SLC5A7: variants seen among roughly 807,000 people sequenced by gnomAD.
The protein encoded by SLC5A7 is solute carrier family 5 member 7, also known as high affinity choline transporter 1.
A neutral mutation model predicts 55.4 loss-of-function variants in SLC5A7; 19 were observed. The observed-to-expected ratio is 0.34, with a 90% CI of 0.24 to 0.50. SLC5A7 has a LOEUF of 0.50. Among genes scored for constraint, SLC5A7 ranks in the 20% least tolerant of loss-of-function variants. The probability of loss-of-function intolerance (pLI) is 0.98; values close to 1 mark genes in which losing one functional copy is unlikely to be tolerated. For synonymous variants in SLC5A7, 265 were observed against 263.7 expected, an observed-to-expected ratio of 1.00 and a Z score of -0.05; for missense variants, 506 against 705.3, an observed-to-expected ratio of 0.72 and a Z score of 3.20.
At chr2:108,006,011 T>C in intron 6 of SLC5A7, 38 bp from the exon 7 acceptor site, 1 of 1,610,264 alleles carries the variant, frequency 6.2e-7, no homozygotes, top group Non-Finnish European at 8.5e-7. Flanking sequence ...AAAAAATGAA[T>C]AGATGTTTGC....
rs35097745 is a variant in SLC5A7 at position 108,006,356 on chromosome 2, TTA to T, written c.895+159_895+160del. On this transcript the variant is annotated intron_variant, in intron 7 of 8. Coordinates refer to ENST00000264047, the MANE Select transcript of SLC5A7 (RefSeq NM_021815.5). The stretch of plus-strand genomic sequence containing the variant: ...TTGTTATAGCATTCAGTAAATCGTA[TTA>T]TATAGTTCAGCGGCCTCCATTTTTT... Among the ~76,000 whole-genome samples the T allele has an allele frequency of 0.9, 133,443 of 148,828 alleles. 60,058 individuals carry two copies. The highest frequency in any genetic ancestry group is 0.99 in the East Asian group (5,022 of 5,054).
intron 4 of SLC5A7, among the ~76,000 whole-genome samples, chr2:107,993,967 G>A (rs2104344910): frequency 6.6e-6 from 1 of 152,308 alleles, no homozygotes; most frequent in South Asian, 2.1e-4. Flanking sequence ...AATATAACAA[G>A]AATTTCCCCT....
In SLC5A7 at chr2:108,011,127, T is replaced by C. The variant is rs1678312501; in HGVS notation, c.*266T>C. Reference sequence around the variant, plus strand: ...TATAAAAAATAAGTAAAGTTCCACTTAGAGAACAAAGGGCCAAATAGAGTT... The same window carrying C: ...TATAAAAAATAAGTAAAGTTCCACTCAGAGAACAAAGGGCCAAATAGAGTT... On this transcript the variant is annotated 3_prime_UTR_variant, in exon 9 of 9. Transcript: ENST00000264047. The C allele has an allele frequency of 6.6e-6, 2 of 304,106 alleles. No homozygotes were observed. The highest frequency in any genetic ancestry group is 2.2e-5 in the African/African-American group (1 of 46,470). 18.8% of individuals were successfully genotyped at this position (304,106 alleles called of 1,614,324 possible).
intron 2 of SLC5A7, among the ~76,000 whole-genome samples, chr2:107,991,443 G>A (rs778319498): frequency 3.3e-5 from 5 of 152,042 alleles, no homozygotes; most frequent in South Asian, 2.1e-4. Context: ...GTGTCATCTC[G>A]ATCCTCTCTT....
chr2:108,012,626 A>C lies in SLC5A7; in HGVS notation c.*1765A>C, dbSNP rs1435609634. Reference sequence around the variant, plus strand: ...GATGGTGAATATTACATTGCATTCAAAATCTTCACTGAATATCATATGTAT... The same window carrying C: ...GATGGTGAATATTACATTGCATTCACAATCTTCACTGAATATCATATGTAT... On this transcript the variant is annotated 3_prime_UTR_variant, in exon 9 of 9. Transcript: ENST00000264047. The C allele has an allele frequency of 6.6e-6, 1 of 152,176 alleles. No homozygotes were observed. Among genetic ancestry groups the C allele is most frequent in the Non-Finnish European group, 1.5e-5 (1 of 68,028 alleles). The allele number at this position is 152,176 out of a possible 1,614,324, so 9.4% of individuals were successfully genotyped here.
chr2:108,010,517 C>A lies in SLC5A7; in HGVS notation c.1399C>A (p.Pro467Thr). ...CTTGATCTTCTACCCTGGCTATTAC[C>A]CTGATGATAATGGTATATATAATCA... ...QPLIFYPGYY[P>T]DDNGIYNQKF... is the part of the protein sequence containing the mutation. The change falls in exon 9 of 9, where the codon CCT (proline) becomes ACT (threonine). Residue 467 changes from proline to threonine, a missense_variant. Physicochemically the swap from Pro to Thr is conservative, Grantham distance 38. Around this residue, in one of 4 missense-constraint regions of SLC5A7, gnomAD observed 137 missense variants for 143.6 expected, o/e 0.95. Coordinates refer to ENST00000264047, the MANE Select transcript of SLC5A7 (RefSeq NM_021815.5). The A allele has an allele frequency of 2.5e-6, 4 of 1,613,864 alleles. No homozygotes were observed. The highest frequency in any genetic ancestry group is 3.4e-6 in the Non-Finnish European group (4 of 1,179,900).
In SLC5A7 at chr2:107,992,176, T is replaced by C. The variant is rs755222038; in HGVS notation, c.249T>C (p.Ala83=). 6.2e-7 allele frequency: 1 copy of C among 1,613,876 alleles called. No individual in the cohort carries two copies. The highest frequency in any genetic ancestry group is 8.5e-7 in the Non-Finnish European group (1 of 1,179,776). Residue 83 remains alanine, a synonymous_variant, in exon 3 of 9, where the codon GCT becomes GCC. Transcript: ENST00000264047. ...TTTATGTACCAGGTTATGGCCTAGCTTGGGCTCAGGCACCAATTGGATATT... is the reference window on the plus strand; with the variant it reads ...TTTATGTACCAGGTTATGGCCTAGCCTGGGCTCAGGCACCAATTGGATATT... ...EAVYVPGYGL[A]WAQAPIGYSL...
chr2:107,995,612 A>C (rs1677644014), intron 4 of SLC5A7, among the ~76,000 whole-genome samples: 1 of 152,148 alleles, frequency 6.6e-6, no homozygotes, highest in South Asian at 2.1e-4. Context: ...TGTAATCTTT[A>C]AATTTACACA....
chr2:108,006,118 C>T lies in SLC5A7; in HGVS notation c.811C>T (p.Gln271Ter). 1.2e-6 allele frequency: 2 copies of T among 1,614,138 alleles called. No homozygotes were observed. The highest frequency in any genetic ancestry group is 1.7e-6 in the Non-Finnish European group (2 of 1,180,004). ...VLSSSSATYA[Q>*]VLSFLAAFGC... The stretch of plus-strand genomic sequence containing the variant: ...CTCTTCTTCCTCAGCCACCTATGCT[C>T]AAGTGCTGTCCTTCCTGGCAGCTTT... Residue 271 changes from glutamine (Q) to a stop codon, truncating the protein, a stop_gained, in exon 7 of 9, where the codon CAA becomes TAA. Coordinates refer to ENST00000264047, the MANE Select transcript of SLC5A7 (RefSeq NM_021815.5). LOFTEE classifies it high-confidence loss of function.
intron 1 of SLC5A7, among the ~76,000 whole-genome samples, chr2:107,986,980 G>A (rs368183223): frequency 6.6e-6 from 1 of 152,118 alleles, no homozygotes; most frequent in Non-Finnish European, 1.5e-5. Flanking sequence ...AGGAAAGGCC[G>A]CAGGGGGCCG....
At position 108,012,652 on chromosome 2, in the gene SLC5A7, C is replaced by A; in HGVS notation, c.*1791C>A. 6.6e-6 allele frequency: 1 copy of A among 151,918 alleles called. No homozygotes were observed. Among genetic ancestry groups the A allele is most frequent in the Admixed American group, 6.6e-5 (1 of 15,232 alleles). The allele number at this position is 151,918 out of a possible 1,614,324, so 9.4% of individuals were successfully genotyped here. A position where few individuals can be genotyped will look rare whatever the true frequency, so the allele number is the denominator to read the frequency against. On this transcript the variant is annotated 3_prime_UTR_variant, in exon 9 of 9. Transcript: ENST00000264047. ...AATCTTCACTGAATATCATATGTAT[C>A]TAAATGAAAAGAGAATTACTTATAT...
intron 6 of SLC5A7, among the ~76,000 whole-genome samples, chr2:108,003,341 A>G (rs1446451431): frequency 6.6e-6 from 1 of 152,234 alleles, no homozygotes; most frequent in African/African-American, 2.4e-5. Flanking sequence ...CCTTTCCCCT[A>G]CAGCACACTT....
intron 4 of SLC5A7, among the ~76,000 whole-genome samples, chr2:107,993,776 A>G (rs1292286398): frequency 6.6e-6 from 1 of 152,256 alleles, no homozygotes; most frequent in Non-Finnish European, 1.5e-5. Flanking sequence ...TATATAAAAC[A>G]GAGTCAGTTC....
Position 108,010,403 on chromosome 2 carries a change from G to A in SLC5A7, c.1285G>A (p.Gly429Arg), listed in dbSNP as rs764287242. 19 of 1,613,680 alleles carry A rather than the reference G, an allele frequency of 1.2e-5. No individual in the cohort carries two copies. The highest frequency in any genetic ancestry group is 5.0e-5 in the Admixed American group (3 of 59,934). The change falls in exon 9 of 9, where the codon GGA (glycine) becomes AGA (arginine). Residue 429 changes from glycine to arginine, a missense_variant. Gly to Arg is a moderately radical substitution (Grantham distance 125, BLOSUM62 -2). This residue lies in a region of SLC5A7 where 309 missense variants were observed against 478.6 expected (regional missense o/e 0.65). Coordinates refer to ENST00000264047, the MANE Select transcript of SLC5A7 (RefSeq NM_021815.5). ...GCTGCTTTGTGTACTCTTTGTTAAGGGAACCAACACCTATGGGGCCGTGGC... is the reference window on the plus strand; with the variant it reads ...GCTGCTTTGTGTACTCTTTGTTAAGAGAACCAACACCTATGGGGCCGTGGC... ...PQLLCVLFVK[G>R]TNTYGAVAGY...
chr2:107,994,341 T>C (rs1407749383), intron 4 of SLC5A7, among the ~76,000 whole-genome samples: 2 of 152,134 alleles, frequency 1.3e-5, no homozygotes, highest in Non-Finnish European at 2.9e-5. Flanking sequence ...CCCAGCACTT[T>C]GGGAGGCCAA....
Position 108,004,941 on chromosome 2 carries a change from C to G in SLC5A7, c.742-1108C>G, listed in dbSNP as rs1033625204. On this transcript the variant is annotated intron_variant, in intron 6 of 8. Transcript: ENST00000264047. ...TTTATCATTTTAATTCCCATACAGA[C>G]CTCTTTATATCATGCAACAAATTGC... Among the ~76,000 whole-genome samples the G allele has an allele frequency of 2.0e-5, 3 of 152,138 alleles. No homozygotes were observed. The East Asian group carries it at 5.8e-4, about 29-fold the overall frequency.
intron 2 of SLC5A7, among the ~76,000 whole-genome samples, 179 bp from the exon 3 acceptor site, chr2:107,991,927 T>G (rs1441207493): frequency 6.6e-6 from 1 of 152,226 alleles, no homozygotes; most frequent in Non-Finnish European, 1.5e-5. Context: ...TTTCAACATG[T>G]GATTAATGAA....
At chr2:107,993,661 A>G (rs1457367803) in intron 4 of SLC5A7, among the ~76,000 whole-genome samples, 1 of 152,268 alleles carries the variant, frequency 6.6e-6, no homozygotes, top group Non-Finnish European at 1.5e-5. Context: ...AAACACAGAT[A>G]TAAAACTACC....
At position 108,008,622 on chromosome 2, in the gene SLC5A7, C is replaced by T. The variant is rs1392367353; in HGVS notation, c.1053C>T (p.Ser351=). ...CTGTTATGTCATCAGCAGATTCTTC[C>T]ATCTTGTCAGCAAGTTCCATGTTTG... ...SAAVMSSADS[S]ILSASSMFAR... Residue 351 remains serine (S), a synonymous_variant, in exon 8 of 9, where the codon TCC becomes TCT. Transcript: ENST00000264047. The T allele has an allele frequency of 6.2e-7, 1 of 1,613,250 alleles. No individual in the cohort carries two copies. The highest frequency in any genetic ancestry group is 1.3e-5 in the African/African-American group (1 of 74,728).
Sources: gnomAD v4.1 joint callset for allele counts (sites outside exome capture counted in the v4.1 genomes callset) on GRCh38, gnomAD v4.1.1 for gene constraint, gnomAD v4.1.1 regional missense constraint, MANE v1.5 for transcripts, NCBI Gene and HGNC (gene_info 2026-07-23, HGNC 2026-07-21) for gene names.